Variants in CDH12 observed in about 807,000 individuals in gnomAD.
CDH12 encodes the protein cadherin-12.
Under a neutral mutation model 74.1 loss-of-function variants are expected in CDH12, and 41 were observed. The ratio of observed to expected loss-of-function variants is 0.55; its 90% CI spans 0.43 to 0.72. The LOEUF (loss-of-function observed/expected upper bound fraction) is 0.72, where lower values mean the gene tolerates loss of function less well. Ranked by LOEUF, CDH12 falls within the 30% of genes least tolerant of loss-of-function variation. The probability of loss-of-function intolerance (pLI) is 0.00; values close to 1 mark genes in which losing one functional copy is unlikely to be tolerated. For missense variants in CDH12, 945 were observed against 977.2 expected (o/e 0.97, Z 0.44); for synonymous variants, 399 against 355.0 (o/e 1.12, Z -1.39).
chr5:22,332,776 A>T (rs983584915), intron 3 of CDH12, among the ~76,000 whole-genome samples: 7 of 152,246 alleles, frequency 4.6e-5, no homozygotes, highest in African/African-American at 1.7e-4. Context: ...ATACCATCTC[A>T]TACCACTCAG....
intron 11 of CDH12, among the ~76,000 whole-genome samples, chr5:21,765,384 C>A (rs1396252937): frequency 6.6e-6 from 1 of 152,014 alleles, no homozygotes; most frequent in African/African-American, 2.4e-5. Flanking sequence ...GTTCACAGAA[C>A]CAATCCTTAC....
rs79094969 is a variant in CDH12, at chr5:22,532,551, C to T, written c.-522-27187G>A. Among the ~76,000 whole-genome samples, 1,237 of 150,846 alleles carry T rather than the reference C, an allele frequency of 8.2e-3. 20 individuals are homozygous for T. The highest frequency in any genetic ancestry group is 0.029 in the African/African-American group (1,176 of 41,092). On this transcript the variant is annotated intron_variant, in intron 1 of 14. Transcript: ENST00000382254. ...CAAAAATTACTTATTTAAGATCTAACCCTGCTAATTTAAATTTCTGCTGAA... is the reference window on the plus strand; with the variant it reads ...CAAAAATTACTTATTTAAGATCTAATCCTGCTAATTTAAATTTCTGCTGAA...
At chr5:22,770,090 G>A (rs374536234) in intron 1 of CDH12, among the ~76,000 whole-genome samples, 8 of 149,084 alleles carry the variant, frequency 5.4e-5, no homozygotes, top group Admixed American at 2.0e-4. Context: ...GTAACTCACC[G>A]AGAGATATTC....
At chr5:22,196,660 C>T (rs1750636142) in intron 4 of CDH12, among the ~76,000 whole-genome samples, 1 of 152,132 alleles carries the variant, frequency 6.6e-6, no homozygotes, top group South Asian at 2.1e-4. Flanking sequence ...GGACTAGAGA[C>T]ATTTATTCTA....
intron 1 of CDH12, among the ~76,000 whole-genome samples, chr5:22,846,492 G>A (rs1737308927): frequency 6.6e-6 from 1 of 151,996 alleles, no homozygotes; most frequent in Non-Finnish European, 1.5e-5. Context: ...AGAGAACTCA[G>A]AAAAAGAGAA....
At chr5:22,693,929 A>T (rs182860638) in intron 1 of CDH12, among the ~76,000 whole-genome samples, 4 of 150,256 alleles carry the variant, frequency 2.7e-5, no homozygotes, top group Admixed American at 2.0e-4. Context: ...TTAAAAAAAA[A>T]ATTATTTATT....
intron 1 of CDH12, among the ~76,000 whole-genome samples, chr5:22,692,954 C>A (rs1742160926): frequency 6.6e-6 from 1 of 151,928 alleles, no homozygotes; most frequent in South Asian, 2.1e-4. Context: ...TTTGAATTCA[C>A]ACCAAACACT....
intron 4 of CDH12, among the ~76,000 whole-genome samples, chr5:22,191,557 TTTATTTTTA>T (rs1220587524): frequency 0.011 from 67 of 5,948 alleles, 16 homozygotes; most frequent in East Asian, 0.077. Flanking sequence ...CAATGGTCTT[TTTATTTTTA>T]TTTTTTTTTT....
chr5:22,021,513 T>C (rs1737973528), intron 5 of CDH12, among the ~76,000 whole-genome samples: 3 of 152,186 alleles, frequency 2.0e-5, no homozygotes, highest in African/African-American at 4.8e-5. Context: ...GGTCCCTGAC[T>C]TAAGGTGGTT....
chr5:21,906,078 A>G (rs1329246297), intron 6 of CDH12, among the ~76,000 whole-genome samples: 2 of 152,204 alleles, frequency 1.3e-5, no homozygotes, highest in African/African-American at 4.8e-5. Context: ...ATTTATATTT[A>G]TAAAGTTATT....
rs1316212802 is a variant in CDH12, at chr5:21,966,102, G to C, written c.526+8989C>G. On this transcript the variant is annotated intron_variant, in intron 6 of 14. Coordinates refer to ENST00000382254, the MANE Select transcript of CDH12 (RefSeq NM_004061.5). ...GCTGATACATATGTATTAGTGTGGT[G>C]CTCACTTTTACCCTTCATTTTACCT... Among the ~76,000 whole-genome samples the C allele has an allele frequency of 2.0e-5, 3 of 150,140 alleles. No individual in the cohort carries two copies. The East Asian group carries it at 5.9e-4, about 29-fold the overall frequency.
chr5:22,412,807 C>A (rs2126476390), intron 2 of CDH12, among the ~76,000 whole-genome samples: 1 of 152,068 alleles, frequency 6.6e-6, no homozygotes, highest in Non-Finnish European at 1.5e-5. Context: ...AGGACATTTC[C>A]TCCACCTGTG....
chr5:21,855,417 G>T (rs911556586), intron 6 of CDH12, among the ~76,000 whole-genome samples: 11 of 151,144 alleles, frequency 7.3e-5, no homozygotes, highest in African/African-American at 2.7e-4. Flanking sequence ...TTTTTTTTTG[G>T]CATGGGTATA....
chr5:21,795,712 T>C (rs1222212796), intron 10 of CDH12, among the ~76,000 whole-genome samples: 2 of 151,982 alleles, frequency 1.3e-5, no homozygotes, highest in African/African-American at 2.4e-5. Context: ...TAATAGAAGT[T>C]ATACATACTG....
intron 12 of CDH12, 128 bp downstream of exon 12, chr5:21,764,850 G>C: frequency 1.2e-6 from 1 of 847,864 alleles, no homozygotes; most frequent in East Asian, 2.5e-5. Context: ...AATCTTTTAT[G>C]GTTTCTTTTA....
At position 21,989,746 on chromosome 5, in the gene CDH12, A is replaced by G. The variant is rs571348083; in HGVS notation, c.232-14361T>C. On this transcript the variant is annotated intron_variant, in intron 5 of 14. Transcript: ENST00000382254. ...CTATATTAAAATTTAGAATATATTTATGATTTCCAAATCAATGGTTTGTTT... is the reference window on the plus strand; with the variant it reads ...CTATATTAAAATTTAGAATATATTTGTGATTTCCAAATCAATGGTTTGTTT... Among the ~76,000 whole-genome samples, 4 of 152,342 alleles carry G rather than the reference A, an allele frequency of 2.6e-5. No homozygotes were observed. In the East Asian group the frequency reaches 7.7e-4, roughly 29 times the overall value.
intron 2 of CDH12, among the ~76,000 whole-genome samples, chr5:22,465,129 G>A (rs773507104): frequency 6.6e-6 from 1 of 152,026 alleles, no homozygotes; most frequent in Non-Finnish European, 1.5e-5. Flanking sequence ...GGAATCTCTT[G>A]TATCTCTAAA....
intron 6 of CDH12, among the ~76,000 whole-genome samples, chr5:21,945,830 T>C (rs1340501016): frequency 2.0e-5 from 3 of 151,948 alleles, no homozygotes; most frequent in African/African-American, 7.3e-5. Flanking sequence ...ACAGGGGATA[T>C]AGAAGACGAG....
At chr5:22,401,108 A>G (rs1399621751) in intron 3 of CDH12, among the ~76,000 whole-genome samples, 2 of 152,186 alleles carry the variant, frequency 1.3e-5, no homozygotes, top group Admixed American at 1.3e-4. Context: ...CTGTTTGCCA[A>G]TCTAAACTAT....
Sources: allele counts gnomAD v4.1 joint callset (sites outside exome capture counted in the v4.1 genomes callset), GRCh38; gene constraint gnomAD v4.1.1; transcripts MANE v1.5; gene names NCBI Gene and HGNC (gene_info 2026-07-23, HGNC 2026-07-21).